The following BTAF1 variants were observed in gnomAD, a reference collection of about 807,000 sequenced individuals.
BTAF1 encodes TATA-binding protein-associated factor 172.
BTAF1 carries 38 observed loss-of-function variants against 227.1 expected under a neutral mutation model. The observed-to-expected ratio is 0.17, with a 90% CI of 0.13 to 0.22. BTAF1 has a LOEUF of 0.22. Ranked by LOEUF, BTAF1 falls within the 10% of genes least tolerant of loss-of-function variation. The probability of loss-of-function intolerance (pLI) is 1.00; values close to 1 mark genes in which losing one functional copy is unlikely to be tolerated. For missense variants in BTAF1, 1,598 were observed against 2,204.0 expected (o/e 0.73, Z 5.51); for synonymous variants, 742 against 751.9 (o/e 0.99, Z 0.21).
rs368179555 is a variant in BTAF1 at position 92,027,218 on chromosome 10, C to T, written c.5324C>T (p.Ala1775Val). Reference sequence around the variant, plus strand: ...TTGCAGAAATTCAAGATGAACATAGCGAATACTGTTATTAGCCAAGAGAAT... The same window carrying T: ...TTGCAGAAATTCAAGATGAACATAGTGAATACTGTTATTAGCCAAGAGAAT... ...MGLQKFKMNI[A>V]NTVISQENSS... The change falls in exon 37 of 38, where the codon GCG becomes GTG. Residue 1775 changes from alanine (A) to valine (V), a missense_variant. Transcript: ENST00000265990. The T allele has an allele frequency of 2.2e-5, 36 of 1,613,596 alleles. No homozygotes were observed. In the African/African-American group the frequency reaches 3.2e-4, roughly 14 times the overall value.
chr10:91,925,991 G>T (rs1329595272), intron 1 of BTAF1, among the ~76,000 whole-genome samples: 1 of 152,058 alleles, frequency 6.6e-6, no homozygotes, highest in Non-Finnish European at 1.5e-5. Context: ...AGCTATTTCT[G>T]TGCTTAGTTT....
At chr10:91,940,230 C>CA (rs1844895176) in intron 3 of BTAF1, among the ~76,000 whole-genome samples, 164 bp downstream of exon 3, 1 of 147,560 alleles carries the variant, frequency 6.8e-6, no homozygotes, top group Non-Finnish European at 1.5e-5. Context: ...TTTTTCACCA[C>CA]ATTAAAAAAA....
intron 25 of BTAF1, among the ~76,000 whole-genome samples, chr10:91,998,359 T>C (rs1849282031): frequency 6.6e-6 from 1 of 152,146 alleles, no homozygotes; most frequent in African/African-American, 2.4e-5. Context: ...GAAATAGAAT[T>C]GTTCCTAAGT....
chr10:91,975,834 G>A (rs1847641567), intron 14 of BTAF1, among the ~76,000 whole-genome samples: 1 of 152,216 alleles, frequency 6.6e-6, no homozygotes, highest in African/African-American at 2.4e-5. Context: ...GCCAGTTAGG[G>A]ATCTATGGCT....
intron 30 of BTAF1, 94 bp from the exon 31 acceptor site, chr10:92,013,573 A>T: frequency 6.8e-7 from 1 of 1,463,214 alleles, no homozygotes; most frequent in Non-Finnish European, 9.5e-7. Context: ...TCTCTCATCT[A>T]TATGATTATA....
At position 91,989,260 on chromosome 10, in the gene BTAF1, C is replaced by T; in HGVS notation, c.2534C>T (p.Thr845Ile). The T allele has an allele frequency of 6.2e-7, 1 of 1,614,064 alleles. No individual in the cohort carries two copies. Among genetic ancestry groups the T allele is most frequent in the South Asian group, 1.1e-5 (1 of 91,082 alleles). Residue 845 changes from threonine to isoleucine, a missense_variant, in exon 20 of 38, where the codon ACC becomes ATC. Thr to Ile is a moderately conservative substitution (Grantham distance 89). Around this residue, in one of 10 missense-constraint regions of BTAF1, gnomAD observed 425 missense variants for 491.2 expected, o/e 0.87. Coordinates refer to ENST00000265990, the MANE Select transcript of BTAF1 (RefSeq NM_003972.3). ...CAGGTCCAAATGACAGTTACAGAGACCAACCAGGAGTGGCAAGTGTTGCAG... is the reference window on the plus strand; with the variant it reads ...CAGGTCCAAATGACAGTTACAGAGATCAACCAGGAGTGGCAAGTGTTGCAG... ...RQQVQMTVTE[T>I]NQEWQVLQLR...
chr10:91,924,424 G>C (rs1009567872), intron 1 of BTAF1, among the ~76,000 whole-genome samples: 10 of 152,190 alleles, frequency 6.6e-5, no homozygotes, highest in African/African-American at 2.2e-4. Flanking sequence ...TTCTAAGGCT[G>C]GTCCCTAACC....
At chr10:92,005,088 G>C (rs1040578011) in intron 25 of BTAF1, among the ~76,000 whole-genome samples, 1 of 152,056 alleles carries the variant, frequency 6.6e-6, no homozygotes. Flanking sequence ...TGTTCCATTG[G>C]TCTTTGCTGT....
chr10:91,964,254 A>G, intron 13 of BTAF1, 53 bp downstream of exon 13: 1 of 1,555,052 alleles, frequency 6.4e-7, no homozygotes, highest in South Asian at 1.1e-5. Context: ...ATACCTTTCG[A>G]GATAATTCAG....
In BTAF1 at chr10:91,993,855, C is replaced by A. The variant is rs200019501; in HGVS notation, c.3199+8C>A. 1 of 1,564,054 alleles carries A rather than the reference C, an allele frequency of 6.4e-7. No homozygotes were observed. Among genetic ancestry groups the A allele is most frequent in the Non-Finnish European group, 8.7e-7 (1 of 1,150,816 alleles). On this transcript the variant is annotated splice_region_variant and intron_variant, in intron 22 of 37. Coordinates refer to ENST00000265990, the MANE Select transcript of BTAF1 (RefSeq NM_003972.3). ...TCGACATAAATAATTTTGGTATACA[C>A]ATATTTTTATGAGTCCAGTTTTTAA...
intron 14 of BTAF1, among the ~76,000 whole-genome samples, chr10:91,978,281 T>C (rs1281079459): frequency 6.6e-6 from 1 of 152,148 alleles, no homozygotes; most frequent in African/African-American, 2.4e-5. Flanking sequence ...GTCATAAATA[T>C]AGGGGGAAAA....
intron 5 of BTAF1, among the ~76,000 whole-genome samples, chr10:91,952,704 G>A (rs185394774): frequency 4.6e-5 from 7 of 152,158 alleles, no homozygotes. Flanking sequence ...TGCAGACAAG[G>A]GGGTAGAAAG....
At chr10:91,994,469 AGTTTTTGT>A in intron 22 of BTAF1, 58 bp from the exon 23 acceptor site, 1 of 1,232,310 alleles carries the variant, frequency 8.1e-7, no homozygotes, top group Non-Finnish European at 1.2e-6. Context: ...AAGTGCTAAA[AGTTTTTGT>A]GTGCTCTAGA....
At chr10:91,929,886 C>CCATTATA (rs1221097271) in intron 1 of BTAF1, among the ~76,000 whole-genome samples, 1 of 152,000 alleles carries the variant, frequency 6.6e-6, no homozygotes, top group Non-Finnish European at 1.5e-5. Flanking sequence ...TATAAGATGA[C>CCATTATA]AGAAGGAACT....
intron 34 of BTAF1, among the ~76,000 whole-genome samples, chr10:92,020,053 C>T (rs1851016505): frequency 6.6e-6 from 1 of 151,798 alleles, no homozygotes; most frequent in Admixed American, 6.6e-5. Flanking sequence ...GATATTAAAC[C>T]CTTATCAGAC....
At chr10:92,022,692 A>G (rs1422188309) in intron 34 of BTAF1, among the ~76,000 whole-genome samples, 1 of 152,186 alleles carries the variant, frequency 6.6e-6, no homozygotes, top group Non-Finnish European at 1.5e-5. Context: ...TGCTGGGATT[A>G]TAGGCATGAG....
chr10:91,971,982 C>T (rs1296013005), intron 14 of BTAF1, among the ~76,000 whole-genome samples: 1 of 152,092 alleles, frequency 6.6e-6, no homozygotes, highest in African/African-American at 2.4e-5. Flanking sequence ...ATCCTATCTT[C>T]TAATTTACCT....
intron 8 of BTAF1, among the ~76,000 whole-genome samples, chr10:91,958,138 A>T (rs1191868631): frequency 1.3e-5 from 2 of 151,938 alleles, no homozygotes; most frequent in Non-Finnish European, 2.9e-5. Context: ...AACCTCCGCC[A>T]CCCAGGTTCA....
chr10:92,016,633 G>C (rs140903577), intron 33 of BTAF1, among the ~76,000 whole-genome samples, 168 bp downstream of exon 33: 136 of 152,134 alleles, frequency 8.9e-4, no homozygotes, highest in Non-Finnish European at 1.7e-3. Context: ...GCGCCACCAT[G>C]CCTGGATAAT....
Sources: allele counts gnomAD v4.1 joint callset (sites outside exome capture counted in the v4.1 genomes callset), GRCh38; gene constraint gnomAD v4.1.1; regional missense constraint gnomAD v4.1.1; transcripts MANE v1.5; gene names NCBI Gene and HGNC (gene_info 2026-07-23, HGNC 2026-07-21).